The following GPR19 variants were observed in gnomAD, a reference collection of about 807,000 sequenced individuals.
The protein encoded by GPR19 is G protein-coupled receptor 19, also known as probable G protein-coupled receptor 19.
A neutral mutation model predicts 28.5 loss-of-function variants in GPR19; 14 were observed. The observed-to-expected ratio is 0.49, with a 90% CI of 0.32 to 0.77. The LOEUF (loss-of-function observed/expected upper bound fraction) is 0.77, where lower values mean the gene tolerates loss of function less well. Ranked by LOEUF, GPR19 falls within the 30% of genes least tolerant of loss-of-function variation. The pLI, the probability that GPR19 is intolerant of heterozygous loss-of-function variation, is 0.03. For synonymous variants in GPR19, 173 were observed against 184.1 expected, an observed-to-expected ratio of 0.94 and a Z score of 0.49; for missense variants, 409 against 504.1, an observed-to-expected ratio of 0.81 and a Z score of 1.81.
At chr12:12,668,199 T>G (rs1945808960) in intron 3 of GPR19, among the ~76,000 whole-genome samples, 1 of 152,262 alleles carries the variant, frequency 6.6e-6, no homozygotes, top group African/African-American at 2.4e-5. Flanking sequence ...CCTAGCAATC[T>G]TATGCTGAAA....
At position 12,680,694 on chromosome 12, in the gene GPR19, C is replaced by CT. The variant is rs113142716; in HGVS notation, c.-23+3656dup. Among the ~76,000 whole-genome samples, 515 of 139,640 alleles carry CT rather than the reference C, an allele frequency of 3.7e-3. 3 individuals carry two copies. Among genetic ancestry groups the CT allele is most frequent in the Admixed American group, 0.016 (231 of 14,028 alleles). 91.6% of individuals were successfully genotyped at this position (139,640 alleles called of 152,430 possible). Reference sequence around the variant, plus strand: ...GCTATTTTTGTAGATCTCCCTATGACTTTTTTTTTTTTGAGACAGAGTCTT... The same window carrying CT: ...GCTATTTTTGTAGATCTCCCTATGACTTTTTTTTTTTTTGAGACAGAGTCTT... On this transcript the variant is annotated intron_variant, in intron 3 of 3. Transcript: ENST00000651487.
intron 3 of GPR19, among the ~76,000 whole-genome samples, chr12:12,679,467 G>A (rs1402493358): frequency 6.6e-6 from 1 of 150,728 alleles, no homozygotes; most frequent in Non-Finnish European, 1.5e-5. Flanking sequence ...GCATGGTGGT[G>A]CATGCTTACA....
chr12:12,666,028 G>A (rs984144513), intron 3 of GPR19, among the ~76,000 whole-genome samples: 1 of 152,020 alleles, frequency 6.6e-6, no homozygotes, highest in Non-Finnish European at 1.5e-5. Context: ...GTTTGAGCTG[G>A]GAGCTTAGAG....
intron 3 of GPR19, among the ~76,000 whole-genome samples, chr12:12,679,784 G>T (rs768113438): frequency 1.1e-4 from 16 of 152,100 alleles, no homozygotes; most frequent in Admixed American, 3.9e-4. Context: ...GAGTCAGCCT[G>T]CCTGGGGTTC....
chr12:12,676,622 C>A (rs1414608710), intron 3 of GPR19, among the ~76,000 whole-genome samples: 1 of 152,192 alleles, frequency 6.6e-6, no homozygotes. Context: ...AGATTCCTTG[C>A]AAGAAGTGGT....
intron 3 of GPR19, among the ~76,000 whole-genome samples, chr12:12,667,177 G>T (rs1053040359): frequency 7.2e-5 from 11 of 152,158 alleles, no homozygotes; most frequent in African/African-American, 2.4e-4. Context: ...GACAAGAAAG[G>T]CTTCTTCACC....
At chr12:12,709,819 G>A in the GPR19 span, among the ~76,000 whole-genome samples, 1 of 152,150 alleles carries the variant, frequency 6.6e-6, no homozygotes, top group Non-Finnish European at 1.5e-5. Flanking sequence ...TTTACTAATT[G>A]AAGTTTCTCA....
At chr12:12,709,004 C>A in the GPR19 span, among the ~76,000 whole-genome samples, 1 of 150,484 alleles carries the variant, frequency 6.6e-6, no homozygotes, top group Non-Finnish European at 1.5e-5. Context: ...GCCAAGATCA[C>A]GCCACTGCAC....
intron 3 of GPR19, among the ~76,000 whole-genome samples, chr12:12,677,845 G>A (rs1945955167): frequency 6.6e-6 from 1 of 151,676 alleles, no homozygotes; most frequent in Non-Finnish European, 1.5e-5. Flanking sequence ...AGGCCAAGGC[G>A]AGTGGATCAC....
chr12:12,675,552 G>C (rs1269456914), intron 3 of GPR19, among the ~76,000 whole-genome samples: 1 of 152,172 alleles, frequency 6.6e-6, no homozygotes, highest in African/African-American at 2.4e-5. Flanking sequence ...GGATTATCCA[G>C]GTAGGCCCAA....
intron 3 of GPR19, among the ~76,000 whole-genome samples, chr12:12,664,942 AAAAAGAAAT>A (rs1945744844): frequency 1.1e-5 from 1 of 91,018 alleles, no homozygotes; most frequent in African/African-American, 3.5e-5. Flanking sequence ...AAAAAAAAAA[AAAAAGAAAT>A]CAGGACATAA....
chr12:12,661,713 C>T lies in GPR19; in HGVS notation c.736G>A (p.Val246Ile). ...CCTATTCTCCAAATATATTTTATGA[C>T]CTTTTGGTAAAATAAAATTATGAGG... The part of the protein sequence containing the change: ...SVLIILFYQK[V>I]IKYIWRIGTD... Residue 246 changes from valine (V) to isoleucine (I), a missense_variant, in exon 4 of 4, where the codon GTC becomes ATC. By Grantham distance (29) the Val-to-Ile change is conservative. Coordinates refer to ENST00000651487, the MANE Select transcript of GPR19 (RefSeq NM_006143.3). This position sits in a 1 kb window ranked among gnomAD's most constrained non-coding sequence, Gnocchi z 4.2. 1 of 1,614,028 alleles carries T rather than the reference C, an allele frequency of 6.2e-7. No individual in the cohort carries two copies. The highest frequency in any genetic ancestry group is 2.2e-5 in the East Asian group (1 of 44,902).
chr12:12,697,152 G>GGAAAAA (rs1565413527), upstream of GPR19, among the ~76,000 whole-genome samples: 1 of 5,262 alleles, frequency 1.9e-4, no homozygotes, highest in Non-Finnish European at 5.7e-4. Context: ...TTGAAGCGAA[G>GGAAAAA]TAAAAAAAAA....
chr12:12,709,936 A>G, the GPR19 span, among the ~76,000 whole-genome samples: 1 of 152,230 alleles, frequency 6.6e-6, no homozygotes, highest in Non-Finnish European at 1.5e-5. Context: ...GAATGGGAAC[A>G]GGGTTTCATA....
chr12:12,699,483 A>G (rs918466060), upstream of GPR19, among the ~76,000 whole-genome samples: 1 of 152,160 alleles, frequency 6.6e-6, no homozygotes, highest in African/African-American at 2.4e-5. Flanking sequence ...TACTCTTGTC[A>G]TACCTAAAGA....
At chr12:12,709,955 T>TC in the GPR19 span, among the ~76,000 whole-genome samples, 2 of 151,886 alleles carry the variant, frequency 1.3e-5, no homozygotes, top group African/African-American at 4.8e-5. Context: ...TAATCTGCTG[T>TC]CCCCCCAGCA....
chr12:12,690,961 C>T (rs549604452), intron 2 of GPR19, among the ~76,000 whole-genome samples: 6 of 152,014 alleles, frequency 3.9e-5, no homozygotes, highest in African/African-American at 1.5e-4. Context: ...CGAGTCTTAA[C>T]CATATATAAG....
upstream of GPR19, among the ~76,000 whole-genome samples, chr12:12,698,632 A>G (rs552256194): frequency 6.6e-6 from 1 of 151,628 alleles, no homozygotes; most frequent in South Asian, 2.1e-4. Flanking sequence ...TTTTTTCTCA[A>G]GACGGTCTTG....
At chr12:12,681,911 A>G (rs891299164) in intron 3 of GPR19, among the ~76,000 whole-genome samples, 3 of 152,212 alleles carry the variant, frequency 2.0e-5, no homozygotes, top group African/African-American at 7.2e-5. Flanking sequence ...CAATCATGCC[A>G]TGGTTTGGGA....
Sources: allele counts gnomAD v4.1 joint callset (sites outside exome capture counted in the v4.1 genomes callset), GRCh38; gene constraint gnomAD v4.1.1; non-coding constraint Gnocchi (gnomAD v3.1); transcripts MANE v1.5; gene names NCBI Gene and HGNC (gene_info 2026-07-23, HGNC 2026-07-21).